MAST2: variants seen among roughly 807,000 people sequenced by gnomAD.
MAST2 encodes microtubule-associated serine/threonine-protein kinase 2.
In MAST2, 70 loss-of-function variants were observed where a neutral mutation model predicts 147.4. The ratio of observed to expected loss-of-function variants is 0.47; its 90% CI spans 0.39 to 0.58. The LOEUF is 0.58. MAST2 is among the 20% of genes least tolerant of loss of function. MAST2 has a pLI of 0.00. For missense variants in MAST2, 2,080 were observed against 2,302.3 expected, an observed-to-expected ratio of 0.90 and a Z score of 1.98; for synonymous variants, 869 against 896.8, an observed-to-expected ratio of 0.97 and a Z score of 0.55.
chr1:45,977,466 C>T (rs931231830), intron 5 of MAST2, among the ~76,000 whole-genome samples: 1 of 147,582 alleles, frequency 6.8e-6, no homozygotes, highest in Non-Finnish European at 1.5e-5. Context: ...CCAGCTTGGG[C>T]GACAAGAGGG....
At chr1:45,843,201 A>G (rs1231369820) in intron 3 of MAST2, among the ~76,000 whole-genome samples, 1 of 151,966 alleles carries the variant, frequency 6.6e-6, no homozygotes, top group Non-Finnish European at 1.5e-5. Flanking sequence ...TATGATTTCC[A>G]AATTTTTTTC....
At chr1:45,935,270 G>GT (rs1656019782) in intron 4 of MAST2, among the ~76,000 whole-genome samples, 2 of 152,004 alleles carry the variant, frequency 1.3e-5, no homozygotes, top group South Asian at 4.1e-4. Flanking sequence ...TTCAGTTAAG[G>GT]TTTTTTGTAG....
chr1:46,024,204 G>A (rs1370739881), intron 15 of MAST2: 1 of 536,870 alleles, frequency 1.9e-6, no homozygotes, highest in Non-Finnish European at 3.4e-6. Flanking sequence ...GGATGTAGCA[G>A]GCCAGCAGCT....
At position 46,028,798 on chromosome 1, in the gene MAST2, G is replaced by A. The variant is rs1203319093; in HGVS notation, c.2083G>A (p.Glu695Lys). 1.9e-6 allele frequency: 3 copies of A among 1,614,192 alleles called. No individual in the cohort carries two copies. Among genetic ancestry groups the A allele is most frequent in the Non-Finnish European group, 2.5e-6 (3 of 1,180,030 alleles). Reference protein sequence around the residue: ...VCGTPEYIAPEVILRQGYGKP... With the variant: ...VCGTPEYIAPKVILRQGYGKP... ...CGGGACCCCAGAATACATTGCGCCT[G>A]AGGTGATCCTGCGCCAGGGCTATGG... Residue 695 changes from glutamate (E) to lysine (K), a missense_variant, in exon 18 of 29, where the codon GAG becomes AAG. Coordinates refer to ENST00000361297, the MANE Select transcript of MAST2 (RefSeq NM_015112.3).
At chr1:45,909,699 G>C (rs1651361835) in intron 4 of MAST2, among the ~76,000 whole-genome samples, 1 of 152,120 alleles carries the variant, frequency 6.6e-6, no homozygotes, top group South Asian at 2.1e-4. Context: ...TGTATTTTTA[G>C]TAGAGACGGG....
intron 5 of MAST2, among the ~76,000 whole-genome samples, chr1:45,987,464 G>A (rs1340206314): frequency 2.0e-5 from 3 of 151,904 alleles, no homozygotes; most frequent in Non-Finnish European, 4.4e-5. Context: ...CAGGCACACC[G>A]CCATACCCAG....
chr1:45,825,509 T>C (rs1208019218), intron 2 of MAST2, among the ~76,000 whole-genome samples: 1 of 151,888 alleles, frequency 6.6e-6, no homozygotes, highest in Non-Finnish European at 1.5e-5. Flanking sequence ...GTCTGCTCAC[T>C]GCAACCTCTA....
intron 1 of MAST2, among the ~76,000 whole-genome samples, chr1:45,812,425 CTTTTTTTTTTTT>C (rs35095652): frequency 8.2e-6 from 1 of 121,680 alleles, no homozygotes. Flanking sequence ...ATCTGTAAGC[CTTTTTTTTTTTT>C]TTTTTTTTTA....
intron 16 of MAST2, among the ~76,000 whole-genome samples, chr1:46,026,134 T>C (rs1025090909): frequency 2.0e-4 from 30 of 152,220 alleles, no homozygotes; most frequent in African/African-American, 7.0e-4. Context: ...TTTACTGACA[T>C]CTACTCTGTG....
In MAST2 at chr1:46,032,276, C is replaced by T. The variant is rs1342150730; in HGVS notation, c.3286C>T (p.Pro1096Ser). The T allele has an allele frequency of 1.9e-6, 3 of 1,614,204 alleles. No individual in the cohort carries two copies. Among genetic ancestry groups the T allele is most frequent in the Admixed American group, 3.3e-5 (2 of 60,034 alleles). ...RDSSPSRDFL[P>S]ALGSMRPPII... is the part of the protein sequence containing the mutation. ...CTCTTCTCCAAGCAGGGACTTCTTG[C>T]CAGCCCTTGGCAGCATGAGGCCTCC... The change falls in exon 25 of 29, where the codon CCA becomes TCA. Residue 1096 changes from proline (P) to serine (S), a missense_variant. Pro to Ser is a moderately conservative substitution (Grantham distance 74). Transcript: ENST00000361297.
intron 5 of MAST2, among the ~76,000 whole-genome samples, chr1:45,961,035 G>C (rs1660343601): frequency 1.3e-5 from 2 of 152,126 alleles, no homozygotes; most frequent in African/African-American, 4.8e-5. Context: ...CTTGGGAGAA[G>C]GATCTCACCT....
At chr1:45,813,107 C>T (rs1380767100) in intron 1 of MAST2, among the ~76,000 whole-genome samples, 1 of 152,014 alleles carries the variant, frequency 6.6e-6, no homozygotes, top group African/African-American at 2.4e-5. Flanking sequence ...TTTAAATCAT[C>T]TCCAGATTAT....
chr1:45,948,344 A>G (rs1047841650), intron 4 of MAST2, among the ~76,000 whole-genome samples: 5 of 152,240 alleles, frequency 3.3e-5, no homozygotes, highest in East Asian at 1.9e-4. Context: ...AGCAATTTAT[A>G]GATTGAATGC....
intron 5 of MAST2, among the ~76,000 whole-genome samples, chr1:45,988,614 G>A (rs1644740687): frequency 6.6e-6 from 1 of 152,126 alleles, no homozygotes. Context: ...TGTTGGTAGT[G>A]TTGTTCAAGT....
chr1:45,895,410 T>C (rs146821857), intron 4 of MAST2, among the ~76,000 whole-genome samples: 106 of 152,252 alleles, frequency 7.0e-4, no homozygotes, highest in African/African-American at 2.5e-3. Flanking sequence ...GGGAATAACT[T>C]AGCTATAAAT....
In MAST2 at chr1:45,944,447, A is replaced by G. The variant is rs558122311; in HGVS notation, c.501-14939A>G. ...AATACAACTTAATATTATTTCTAAT[A>G]AAGTCATTGTGCATTATGATTATGT... On this transcript the variant is annotated intron_variant, in intron 4 of 28. Coordinates refer to ENST00000361297, the MANE Select transcript of MAST2 (RefSeq NM_015112.3). Among the ~76,000 whole-genome samples, 10 of 152,338 alleles carry G rather than the reference A, an allele frequency of 6.6e-5. No homozygotes were observed. The East Asian group carries it at 1.9e-3, about 29-fold the overall frequency.
At position 45,900,353 on chromosome 1, in the gene MAST2, C is replaced by T. The variant is rs140601200; in HGVS notation, c.500+17958C>T. Among the ~76,000 whole-genome samples, 713 of 151,940 alleles carry T rather than the reference C, an allele frequency of 4.7e-3. 5 individuals carry two copies. The highest frequency in any genetic ancestry group is 6.6e-3 in the Non-Finnish European group (449 of 67,986). On this transcript the variant is annotated intron_variant, in intron 4 of 28. Coordinates refer to ENST00000361297, the MANE Select transcript of MAST2 (RefSeq NM_015112.3). ...AAGCATTCCCTTTTCTCTGCATCCT[C>T]ACCAACATCTGTCATTTTCCATTCT...
intron 3 of MAST2, chr1:45,847,406 CT>C: frequency 2.0e-5 from 11 of 541,036 alleles, no homozygotes; most frequent in South Asian, 3.1e-5. Flanking sequence ...GTTTGAATAT[CT>C]TTTTTTGGGG....
At chr1:45,823,563 C>T (rs564536516) in intron 1 of MAST2, among the ~76,000 whole-genome samples, 5 of 151,988 alleles carry the variant, frequency 3.3e-5, no homozygotes, top group East Asian at 1.9e-4. Context: ...CTTGAACTCC[C>T]GACCTCATGA....
Sources: allele counts gnomAD v4.1 joint callset (sites outside exome capture counted in the v4.1 genomes callset), GRCh38; gene constraint gnomAD v4.1.1; transcripts MANE v1.5; gene names NCBI Gene and HGNC (gene_info 2026-07-23, HGNC 2026-07-21).